The following TG variants were observed in gnomAD, a reference collection of about 807,000 sequenced individuals.
TG encodes the protein thyroglobulin, also known as thyroid hormones.
TG carries 270 observed loss-of-function variants against 324.7 expected under a neutral mutation model. The ratio of observed to expected loss-of-function variants is 0.83; its 90% CI spans 0.75 to 0.92. The LOEUF is 0.92. Among genes scored for constraint, TG ranks in the 40% least tolerant of loss-of-function variants. The probability of loss-of-function intolerance (pLI) is 0.00; values close to 1 mark genes in which losing one functional copy is unlikely to be tolerated. For synonymous variants in TG, 1,401 were observed against 1,327.0 expected, an observed-to-expected ratio of 1.06 and a Z score of -1.21; for missense variants, 3,591 against 3,456.4, an observed-to-expected ratio of 1.04 and a Z score of -0.98.
rs560124184 is a variant in TG, at chr8:132,904,774, C to G, written c.3635-1914C>G. 2.6e-5 allele frequency among the ~76,000 whole-genome samples: 4 copies of G among 152,298 alleles called. No homozygotes were observed. The South Asian group carries it at 8.3e-4, about 32-fold the overall frequency. On this transcript the variant is annotated intron_variant, in intron 16 of 47. Transcript: ENST00000220616. ...AACAAAAACAAAAACAGAAAAACCA[C>G]AGGTGCAGATCATTCCTGTGGGATA...
At chr8:132,923,560 C>T (rs1436853456) in intron 22 of TG, 52 bp downstream of exon 22, 5 of 1,568,988 alleles carry the variant, frequency 3.2e-6, no homozygotes, top group Non-Finnish European at 4.3e-6. Flanking sequence ...GGGGAGTAGT[C>T]TCAAGGGCTT....
chr8:133,024,526 A>T (rs141069992), intron 40 of TG, among the ~76,000 whole-genome samples: 1 of 151,898 alleles, frequency 6.6e-6, no homozygotes, highest in Non-Finnish European at 1.5e-5. Context: ...CCCCACATGC[A>T]TTAGGTATTT....
intron 16 of TG, among the ~76,000 whole-genome samples, chr8:132,904,323 C>T (rs980063431): frequency 3.9e-5 from 6 of 152,218 alleles, no homozygotes; most frequent in Non-Finnish European, 5.9e-5. Context: ...CAACACATGT[C>T]CCCAGGCGAG....
intron 27 of TG, among the ~76,000 whole-genome samples, chr8:132,949,731 T>C (rs148734422): frequency 6.6e-6 from 1 of 152,320 alleles, no homozygotes; most frequent in African/African-American, 2.4e-5. Flanking sequence ...GGAAGCTCTT[T>C]TCTACAAACA....
intron 15 of TG, 118 bp from the exon 16 acceptor site, chr8:132,901,235 G>A (rs2132286908): frequency 1.6e-6 from 2 of 1,218,874 alleles, no homozygotes; most frequent in East Asian, 2.3e-5. Context: ...CCAGACCCCT[G>A]GAAGGCCCTG....
chr8:132,941,389 C>A lies in TG; in HGVS notation c.5080C>A (p.Pro1694Thr). 1 of 1,614,234 alleles carries A rather than the reference C, an allele frequency of 6.2e-7. No homozygotes were observed. Among genetic ancestry groups the A allele is most frequent in the Non-Finnish European group, 8.5e-7 (1 of 1,180,036 alleles). Residue 1694 changes from proline (P) to threonine (T), a missense_variant, in exon 26 of 48, where the codon CCC becomes ACC. By Grantham distance (38) the Pro-to-Thr change is conservative (BLOSUM62 -1). Coordinates refer to ENST00000220616, the MANE Select transcript of TG (RefSeq NM_003235.5). ...CACAACACTTCAGAAACGCTTTGAA[C>A]CCACTGGTTTCCAAAACATGCTTTC... ...STTTLQKRFE[P>T]TGFQNMLSGL...
At chr8:133,060,055 C>G (rs1842141842) in intron 41 of TG, 1 of 1,537,586 alleles carries the variant, frequency 6.5e-7, no homozygotes, top group Non-Finnish European at 8.7e-7. Flanking sequence ...ACCACAGGCT[C>G]TTGTAGCACA....
At chr8:132,951,334 A>G (rs1259433649) in intron 27 of TG, among the ~76,000 whole-genome samples, 1 of 152,240 alleles carries the variant, frequency 6.6e-6, no homozygotes, top group African/African-American at 2.4e-5. Context: ...GAATTCCATG[A>G]AGCACAAATA....
At chr8:133,000,787 C>A (rs565454651) in intron 35 of TG, among the ~76,000 whole-genome samples, 1 of 152,338 alleles carries the variant, frequency 6.6e-6, no homozygotes, top group South Asian at 2.1e-4. Context: ...AGAGCAGGCC[C>A]TCTGTAAATC....
intron 40 of TG, among the ~76,000 whole-genome samples, chr8:133,023,139 T>G (rs1835707149): frequency 6.6e-6 from 1 of 152,134 alleles, no homozygotes; most frequent in Admixed American, 6.6e-5. Context: ...TGGACTAGAA[T>G]GTGTGTGAAT....
At chr8:132,950,414 G>T (rs1444537196) in intron 27 of TG, among the ~76,000 whole-genome samples, 2 of 152,168 alleles carry the variant, frequency 1.3e-5, no homozygotes, top group Non-Finnish European at 2.9e-5. Flanking sequence ...CCCAAAGGCT[G>T]GCAGAGACTC....
At chr8:133,000,837 T>C (rs1178904076) in intron 35 of TG, among the ~76,000 whole-genome samples, 1 of 152,184 alleles carries the variant, frequency 6.6e-6, no homozygotes, top group African/African-American at 2.4e-5. Flanking sequence ...CTTATTTTGT[T>C]ACTTGGCTGC....
intron 29 of TG, among the ~76,000 whole-genome samples, chr8:132,964,338 C>A (rs1431616493): frequency 1.3e-5 from 2 of 152,048 alleles, no homozygotes; most frequent in Admixed American, 6.6e-5. Context: ...GGTGAATAGA[C>A]AAGGCTCAGC....
At chr8:133,102,712 C>T in intron 43 of TG, 1 of 724,352 alleles carries the variant, frequency 1.4e-6, no homozygotes, top group South Asian at 1.7e-5. Context: ...GACAGTCTGC[C>T]TACATTATCC....
intron 41 of TG, chr8:133,072,942 C>T (rs1844295973): frequency 6.6e-6 from 1 of 152,202 alleles, no homozygotes; most frequent in Non-Finnish European, 1.5e-5. Context: ...TCATATTTAA[C>T]ACTGTTTATT....
chr8:133,013,496 T>C, intron 36 of TG, 104 bp from the exon 37 acceptor site: 1 of 1,380,640 alleles, frequency 7.2e-7, no homozygotes, highest in Admixed American at 1.7e-5. Context: ...GATGGATGGA[T>C]GGAAGGGTGG....
At chr8:133,070,201 C>T (rs1843787144) in intron 41 of TG, among the ~76,000 whole-genome samples, 1 of 152,068 alleles carries the variant, frequency 6.6e-6, no homozygotes, top group African/African-American at 2.4e-5. Context: ...ACCATGCTGA[C>T]TTCCAGTTTC....
intron 41 of TG, among the ~76,000 whole-genome samples, chr8:133,086,552 A>G (rs1223726930): frequency 1.3e-5 from 2 of 151,782 alleles, no homozygotes; most frequent in Non-Finnish European, 1.5e-5. Context: ...CTTTTTGATG[A>G]AAAAAAACTA....
chr8:132,902,410 G>T (rs1049343940), intron 16 of TG, among the ~76,000 whole-genome samples: 4 of 152,142 alleles, frequency 2.6e-5, no homozygotes, highest in Non-Finnish European at 5.9e-5. Context: ...AGAAGCAGGG[G>T]TGGGAGGGAA....
Sources: allele counts gnomAD v4.1 joint callset (sites outside exome capture counted in the v4.1 genomes callset), GRCh38; gene constraint gnomAD v4.1.1; transcripts MANE v1.5; gene names NCBI Gene and HGNC (gene_info 2026-07-23, HGNC 2026-07-21).